PCLO: variants seen among roughly 807,000 people sequenced by gnomAD.
PCLO encodes the protein piccolo presynaptic cytomatrix protein, also known as protein piccolo.
Under a neutral mutation model 427.5 loss-of-function variants are expected in PCLO, and 82 were observed. That is an observed-to-expected ratio of 0.19 (90% confidence interval 0.16 to 0.23). PCLO has a LOEUF of 0.23. PCLO is among the 10% of genes least tolerant of loss of function. The probability of loss-of-function intolerance (pLI) is 1.00; values close to 1 mark genes in which losing one functional copy is unlikely to be tolerated. For synonymous variants in PCLO, 2,357 were observed against 2,155.4 expected (o/e 1.09, Z -2.59); for missense variants, 6,239 against 6,115.9 (o/e 1.02, Z -0.67).
At chr7:83,048,420 A>C (rs750757751) in intron 3 of PCLO, among the ~76,000 whole-genome samples, 15 of 152,068 alleles carry the variant, frequency 9.9e-5, no homozygotes, top group Non-Finnish European at 2.1e-4. Flanking sequence ...TGAAACCACC[A>C]TGAATTAGAT....
At chr7:83,051,950 T>A (rs1789265605) in intron 3 of PCLO, among the ~76,000 whole-genome samples, 1 of 152,018 alleles carries the variant, frequency 6.6e-6, no homozygotes, top group Non-Finnish European at 1.5e-5. Flanking sequence ...ATGTTTTTTT[T>A]AACAAATGGT....
chr7:82,953,105 A>C lies in PCLO; in HGVS notation c.7848T>G (p.Val2616=). 1 of 1,613,974 alleles carries C rather than the reference A, an allele frequency of 6.2e-7. No homozygotes were observed. The highest frequency in any genetic ancestry group is 8.5e-7 in the Non-Finnish European group (1 of 1,179,866). ...GAGGAACTACAGAAAACACAGGTTC[A>C]ACAGAAACCAGATCTTTGGAGGGTG... ...LGSPSKDLVS[V]EPVFSVVPPV... The change falls in exon 5 of 25, where the codon GTT becomes GTG. Residue 2616 remains valine (V), a synonymous_variant. Transcript: ENST00000333891.
At chr7:83,030,311 G>A (rs1788634326) in intron 3 of PCLO, among the ~76,000 whole-genome samples, 1 of 151,964 alleles carries the variant, frequency 6.6e-6, no homozygotes, top group African/African-American at 2.4e-5. Context: ...AAACTCTACA[G>A]GGGATATCCC....
At chr7:82,970,135 T>G (rs1466935085) in intron 3 of PCLO, among the ~76,000 whole-genome samples, 12 of 152,036 alleles carry the variant, frequency 7.9e-5, no homozygotes, top group Admixed American at 7.9e-4. Flanking sequence ...AGGCAATGAT[T>G]AAAAACACTA....
intron 22 of PCLO, among the ~76,000 whole-genome samples, chr7:82,792,643 G>A (rs990380616): frequency 2.6e-5 from 4 of 151,744 alleles, no homozygotes; most frequent in Non-Finnish European, 5.9e-5. Flanking sequence ...TTATATTTTT[G>A]ACTTCTTTTT....
intron 10 of PCLO, among the ~76,000 whole-genome samples, chr7:82,858,458 T>C (rs1271681681): frequency 2.6e-5 from 4 of 151,976 alleles, no homozygotes; most frequent in South Asian, 2.1e-4. Flanking sequence ...ACCCAGAGCA[T>C]TGGGAAAGAA....
intron 22 of PCLO, among the ~76,000 whole-genome samples, chr7:82,787,978 C>A (rs1791018451): frequency 6.6e-6 from 1 of 151,908 alleles, no homozygotes; most frequent in Non-Finnish European, 1.5e-5. Context: ...TGGCCTCTTG[C>A]AGTAACTGAA....
chr7:82,804,744 AT>A (rs1203707602), intron 21 of PCLO, among the ~76,000 whole-genome samples: 1 of 152,138 alleles, frequency 6.6e-6, no homozygotes, highest in African/African-American at 2.4e-5. Context: ...ATTCACTGAA[AT>A]TTCAATTTCC....
intron 22 of PCLO, among the ~76,000 whole-genome samples, chr7:82,763,185 A>AT (rs996783349): frequency 2.0e-5 from 3 of 152,184 alleles, no homozygotes; most frequent in Admixed American, 6.5e-5. Context: ...TGAAACTGGC[A>AT]TTTTTTTCCC....
intron 3 of PCLO, among the ~76,000 whole-genome samples, chr7:83,098,135 T>C (rs1790642196): frequency 6.6e-6 from 1 of 152,066 alleles, no homozygotes; most frequent in African/African-American, 2.4e-5. Flanking sequence ...GATGTCAAAC[T>C]CTTCACTCTA....
intron 6 of PCLO, among the ~76,000 whole-genome samples, chr7:82,942,319 C>T (rs1795105161): frequency 6.6e-6 from 1 of 152,164 alleles, no homozygotes; most frequent in African/African-American, 2.4e-5. Context: ...GTTAAACTGG[C>T]ATATCATAAT....
rs375049257 is a variant in PCLO at position 83,128,622 on chromosome 7, C to T, written c.3300+5628G>A. Among the ~76,000 whole-genome samples the T allele has an allele frequency of 2.0e-5, 3 of 152,134 alleles. No individual in the cohort carries two copies. In the East Asian group the frequency reaches 5.8e-4, roughly 29 times the overall value. Reference sequence around the variant, plus strand: ...GGAATGTAACAAAAAAAAGACTATACAGAAAAGATAGAAGCAAAGACTTCA... The same window carrying T: ...GGAATGTAACAAAAAAAAGACTATATAGAAAAGATAGAAGCAAAGACTTCA... On this transcript the variant is annotated intron_variant, in intron 3 of 24. Transcript: ENST00000333891.
At chr7:83,133,507 CT>C (rs1791626686) in intron 3 of PCLO, among the ~76,000 whole-genome samples, 1 of 151,984 alleles carries the variant, frequency 6.6e-6, no homozygotes, top group South Asian at 2.1e-4. Flanking sequence ...TCGTCGTCTG[CT>C]TTTTAGTCAT....
At chr7:82,776,905 C>CATATAT (rs1790765265) in intron 22 of PCLO, among the ~76,000 whole-genome samples, 1 of 144,070 alleles carries the variant, frequency 6.9e-6, no homozygotes, top group Non-Finnish European at 1.5e-5. Context: ...TATAGATATA[C>CATATAT]GCACACACAC....
rs540193659 is a variant in PCLO at position 82,951,350 on chromosome 7, T to C, written c.9238A>G (p.Ser3080Gly). ...PPPGPQYCVG[S>G]VLRSSNGVVY... is the part of the protein sequence containing the mutation. The stretch of plus-strand genomic sequence containing the variant: ...ACACCATTAGATGACCTCAAAACAC[T>C]CCCCACACAATACTGGGGTCCTGGT... The change falls in exon 6 of 25, where the codon AGT becomes GGT. Residue 3080 changes from serine to glycine, a missense_variant. Ser to Gly is a moderately conservative substitution (Grantham distance 56). Coordinates refer to ENST00000333891, the MANE Select transcript of PCLO (RefSeq NM_033026.6). 2.9e-5 allele frequency: 47 copies of C among 1,608,406 alleles called. No individual in the cohort carries two copies. The highest frequency in any genetic ancestry group is 6.8e-5 in the Admixed American group (4 of 59,144).
At chr7:82,927,384 A>G (rs1301059576) in intron 6 of PCLO, among the ~76,000 whole-genome samples, 1 of 152,036 alleles carries the variant, frequency 6.6e-6, no homozygotes, top group Admixed American at 6.6e-5. Context: ...AGAGGTTCTT[A>G]CTCTTTCCTA....
chr7:83,063,409 GC>G lies in PCLO; in HGVS notation c.3300+70840del, dbSNP rs199995241. Among the ~76,000 whole-genome samples, 1,287 of 152,140 alleles carry G rather than the reference GC, an allele frequency of 8.5e-3. 12 individuals carry two copies. Among genetic ancestry groups the G allele is most frequent in the Non-Finnish European group, 0.014 (929 of 67,924 alleles). Reference sequence around the variant, plus strand: ...TTGTGATTTTTGACTTAACAATGGTGCCATATGCATTCAATAGAAGCCATAT... The same window carrying G: ...TTGTGATTTTTGACTTAACAATGGTGCATATGCATTCAATAGAAGCCATAT... On this transcript the variant is annotated intron_variant, in intron 3 of 24. Coordinates refer to ENST00000333891, the MANE Select transcript of PCLO (RefSeq NM_033026.6).
At chr7:82,919,938 C>T (rs149807786) in intron 6 of PCLO, among the ~76,000 whole-genome samples, 135 of 151,890 alleles carry the variant, frequency 8.9e-4, no homozygotes, top group African/African-American at 3.0e-3. Flanking sequence ...CCATTAGAAC[C>T]CCACAGATTT....
chr7:82,840,352 G>A (rs1293037296), intron 14 of PCLO, among the ~76,000 whole-genome samples: 1 of 151,986 alleles, frequency 6.6e-6, no homozygotes, highest in South Asian at 2.1e-4. Flanking sequence ...CTTTGTAGTA[G>A]GTTCCTGGAT....
Sources: gnomAD v4.1 joint callset for allele counts (sites outside exome capture counted in the v4.1 genomes callset) on GRCh38, gnomAD v4.1.1 for gene constraint, MANE v1.5 for transcripts, NCBI Gene and HGNC (gene_info 2026-07-23, HGNC 2026-07-21) for gene names.